The following DCLK1 variants were observed in gnomAD, a reference collection of about 807,000 sequenced individuals.
The protein encoded by DCLK1 is serine/threonine-protein kinase DCLK1.
Under a neutral mutation model 86.2 loss-of-function variants are expected in DCLK1, and 16 were observed. That is an observed-to-expected ratio of 0.19 (90% CI 0.13 to 0.28). The LOEUF (loss-of-function observed/expected upper bound fraction) is 0.28, where lower values mean the gene tolerates loss of function less well. Ranked by LOEUF, DCLK1 falls within the 10% of genes least tolerant of loss-of-function variation. The probability of loss-of-function intolerance (pLI) is 1.00; values close to 1 mark genes in which losing one functional copy is unlikely to be tolerated. For missense variants in DCLK1, 590 were observed against 940.2 expected (o/e 0.63, Z 4.87); for synonymous variants, 369 against 370.5 (o/e 1.00, Z 0.05).
At chr13:35,973,690 A>G (rs780159231) in intron 3 of DCLK1, among the ~76,000 whole-genome samples, 38 of 152,220 alleles carry the variant, frequency 2.5e-4, no homozygotes, top group African/African-American at 8.4e-4. Flanking sequence ...AAAAGCTCCA[A>G]TGAGAAAAGG....
intron 10 of DCLK1, among the ~76,000 whole-genome samples, chr13:35,823,346 T>C (rs1389611874): frequency 1.5e-5 from 2 of 137,896 alleles, no homozygotes; most frequent in Admixed American, 7.2e-5. Context: ...CTAGTGAAAT[T>C]ATTAGGATGC....
intron 4 of DCLK1, among the ~76,000 whole-genome samples, chr13:35,915,243 T>A (rs988696024): frequency 6.6e-6 from 1 of 152,230 alleles, no homozygotes; most frequent in African/African-American, 2.4e-5. Context: ...TCAATAGTTC[T>A]AGGTCAATAC....
intron 4 of DCLK1, among the ~76,000 whole-genome samples, chr13:35,941,604 C>G (rs375304377): frequency 1.3e-5 from 2 of 152,078 alleles, no homozygotes; most frequent in South Asian, 2.1e-4. Flanking sequence ...CATACACACA[C>G]GCACACACAC....
intron 4 of DCLK1, among the ~76,000 whole-genome samples, chr13:35,943,925 C>G (rs1877228696): frequency 6.6e-6 from 1 of 152,144 alleles, no homozygotes; most frequent in African/African-American, 2.4e-5. Flanking sequence ...GATCTGCTGG[C>G]CTCTCTGCTT....
chr13:36,004,916 AT>A (rs1403952225), intron 3 of DCLK1, among the ~76,000 whole-genome samples: 1 of 152,206 alleles, frequency 6.6e-6, no homozygotes, highest in Non-Finnish European at 1.5e-5. Context: ...GCTACCACTT[AT>A]TGTCTACTGT....
chr13:36,022,896 T>G (rs1464608930), intron 3 of DCLK1, among the ~76,000 whole-genome samples: 2 of 152,208 alleles, frequency 1.3e-5, no homozygotes, highest in Admixed American at 6.5e-5. Context: ...CAATTCATTC[T>G]TTGAGGCTAG....
intron 3 of DCLK1, among the ~76,000 whole-genome samples, chr13:36,013,500 G>C (rs1374616692): frequency 6.6e-6 from 1 of 152,198 alleles, no homozygotes; most frequent in Non-Finnish European, 1.5e-5. Flanking sequence ...TGAGGTGTCA[G>C]TGTGCCCCTG....
chr13:35,790,708 T>C (rs1183866132), intron 16 of DCLK1, among the ~76,000 whole-genome samples: 1 of 152,190 alleles, frequency 6.6e-6, no homozygotes, highest in Non-Finnish European at 1.5e-5. Flanking sequence ...AATCATTATA[T>C]TAAATTATTA....
intron 6 of DCLK1, among the ~76,000 whole-genome samples, chr13:35,842,253 A>AAAG (rs1566562083): frequency 2.0e-5 from 3 of 151,056 alleles, no homozygotes; most frequent in African/African-American, 2.4e-5. Flanking sequence ...AAAAAAAAAA[A>AAAG]AAGAAGTTCT....
At chr13:36,013,650 T>G (rs1044120745) in intron 3 of DCLK1, among the ~76,000 whole-genome samples, 2 of 152,156 alleles carry the variant, frequency 1.3e-5, no homozygotes, top group African/African-American at 4.8e-5. Flanking sequence ...ACAGGGACAT[T>G]TAAGTCTGCA....
chr13:35,822,214 G>T (rs1295238287), intron 11 of DCLK1, among the ~76,000 whole-genome samples: 1 of 151,862 alleles, frequency 6.6e-6, no homozygotes, highest in Non-Finnish European at 1.5e-5. Flanking sequence ...GCAGTAGTGT[G>T]ATCACAGCTC....
At chr13:35,835,510 T>C (rs1244935228) in intron 8 of DCLK1, among the ~76,000 whole-genome samples, 1 of 152,198 alleles carries the variant, frequency 6.6e-6, no homozygotes, top group Non-Finnish European at 1.5e-5. Context: ...ATCTAGAACC[T>C]CAGGATAAAC....
At chr13:35,897,451 G>A (rs925234114) in intron 4 of DCLK1, among the ~76,000 whole-genome samples, 1 of 152,112 alleles carries the variant, frequency 6.6e-6, no homozygotes, top group Non-Finnish European at 1.5e-5. Flanking sequence ...TGACTTTTTA[G>A]GAGCTCCATA....
chr13:36,072,428 C>T (rs770944531), intron 3 of DCLK1, among the ~76,000 whole-genome samples: 3 of 152,162 alleles, frequency 2.0e-5, no homozygotes, highest in Admixed American at 6.5e-5. Flanking sequence ...TCTAATGACA[C>T]GTATTTCCTT....
At chr13:35,961,961 A>G (rs968947055) in intron 3 of DCLK1, among the ~76,000 whole-genome samples, 4 of 152,240 alleles carry the variant, frequency 2.6e-5, no homozygotes, top group Admixed American at 2.0e-4. Flanking sequence ...CACCATAACA[A>G]TGTAATTTCT....
intron 4 of DCLK1, among the ~76,000 whole-genome samples, chr13:35,914,365 ATATG>A (rs1341270242): frequency 0.011 from 176 of 16,356 alleles, no homozygotes; most frequent in African/African-American, 0.021. Flanking sequence ...ATATATATAT[ATATG>A]TATATATATA....
intron 3 of DCLK1, among the ~76,000 whole-genome samples, chr13:36,021,181 T>C (rs1296383342): frequency 6.6e-6 from 1 of 151,610 alleles, no homozygotes; most frequent in Admixed American, 6.6e-5. Context: ...ATTGGCATTA[T>C]ACCAAACTAG....
At chr13:36,126,389 T>C (rs911776688) in intron 1 of DCLK1, among the ~76,000 whole-genome samples, 1 of 152,108 alleles carries the variant, frequency 6.6e-6, no homozygotes, top group Admixed American at 6.5e-5. Context: ...TACAGGTGCC[T>C]GCACCACGCC....
At chr13:35,937,974 T>C (rs1876855810) in intron 4 of DCLK1, among the ~76,000 whole-genome samples, 1 of 151,638 alleles carries the variant, frequency 6.6e-6, no homozygotes, top group African/African-American at 2.4e-5. Context: ...AGACTATAGA[T>C]AGGGTAAAAC....
Sources: gnomAD v4.1 joint callset for allele counts (sites outside exome capture counted in the v4.1 genomes callset) on GRCh38, gnomAD v4.1.1 for gene constraint, MANE v1.5 for transcripts, NCBI Gene and HGNC (gene_info 2026-07-23, HGNC 2026-07-21) for gene names.